Variants in RASAL1 observed in about 807,000 individuals in gnomAD.
RASAL1 encodes rasGAP-activating-like protein 1.
RASAL1 carries 72 observed loss-of-function variants against 96.6 expected under a neutral mutation model. That is an observed-to-expected ratio of 0.75 (90% CI 0.62 to 0.91). RASAL1 has a LOEUF of 0.91. Ranked by LOEUF, RASAL1 falls within the 40% of genes least tolerant of loss-of-function variation. RASAL1 has a pLI of 0.00. For synonymous variants in RASAL1, 405 were observed against 430.4 expected (o/e 0.94, Z 0.73); for missense variants, 1,016 against 1,072.5 (o/e 0.95, Z 0.74).
In RASAL1 at chr12:113,128,212, G is replaced by A. The variant is rs772138601; in HGVS notation, c.123-34C>T. The stretch of plus-strand genomic sequence containing the variant: ...GGAGGTGCAGGGGGCTGGGGTCCTC[G>A]GGCCACACAGGAGGCAGACACCTGG... On this transcript the variant is annotated intron_variant, in intron 2 of 20. Transcript: ENST00000548055. 17 of 1,417,850 alleles carry A rather than the reference G, an allele frequency of 1.2e-5. No individual in the cohort carries two copies. In the East Asian group the frequency reaches 1.8e-4, roughly 15 times the overall value. 87.8% of individuals were successfully genotyped at this position (1,417,850 alleles called of 1,614,324 possible).
At chr12:113,107,484 G>A (rs768831551) in intron 14 of RASAL1, 41 of 604,470 alleles carry the variant, frequency 6.8e-5, no homozygotes, top group African/African-American at 1.1e-4. Flanking sequence ...TTAGCTGGTC[G>A]TGGTGGCTCA....
chr12:113,119,376 T>G lies in RASAL1; in HGVS notation c.496A>C (p.Ser166Arg). 6.2e-7 allele frequency: 1 copy of G among 1,612,628 alleles called. No individual in the cohort carries two copies. Among genetic ancestry groups the G allele is most frequent in the Non-Finnish European group, 8.5e-7 (1 of 1,179,372 alleles). ...PFARVFWGSQ[S>R]LETSTIKKTR... ...CCACCACTCACTGAGGTCTCCAAGCTCTGGCTGCCCCAAAACACACGTGCA... is the reference window on the plus strand; with the variant it reads ...CCACCACTCACTGAGGTCTCCAAGCGCTGGCTGCCCCAAAACACACGTGCA... Residue 166 changes from serine (S) to arginine (R), a missense_variant, in exon 6 of 21, where the codon AGC becomes CGC. Transcript: ENST00000548055.
At chr12:113,106,960 G>A in intron 15 of RASAL1, 137 bp downstream of exon 15, 2 of 997,822 alleles carry the variant, frequency 2.0e-6, no homozygotes, top group Non-Finnish European at 3.0e-6. Context: ...AGCACAGTAA[G>A]TATCAGGAAA....
rs1314270687 is a variant in RASAL1 at position 113,117,277 on chromosome 12, G to A, written c.643-116C>T. The A allele has an allele frequency of 7.4e-6, 5 of 676,762 alleles. No homozygotes were observed. The Admixed American group carries it at 2.0e-4, about 27-fold the overall frequency. 41.9% of individuals were successfully genotyped at this position (676,762 alleles called of 1,614,324 possible). The stretch of plus-strand genomic sequence containing the variant: ...TGCCCACCCACAGAGGGGCAGAATG[G>A]CCTGCCAGGGGACCCCTCCTTCTCT... On this transcript the variant is annotated intron_variant, in intron 7 of 20. Coordinates refer to ENST00000548055, the MANE Select transcript of RASAL1 (RefSeq NM_001301202.2).
At chr12:113,114,618 C>T (rs1951002972) in intron 12 of RASAL1, among the ~76,000 whole-genome samples, 182 bp downstream of exon 12, 1 of 152,194 alleles carries the variant, frequency 6.6e-6, no homozygotes, top group Non-Finnish European at 1.5e-5. Context: ...TGACCATAAC[C>T]CCTATACTAC....
In RASAL1 at chr12:113,130,273, T is replaced by G. The variant is rs112381009; in HGVS notation, c.122+612A>C. Among the ~76,000 whole-genome samples the G allele has an allele frequency of 2.3e-4, 35 of 152,254 alleles. 5 individuals carry two copies. The highest frequency in any genetic ancestry group is 8.4e-4 in the African/African-American group (35 of 41,542). On this transcript the variant is annotated intron_variant, in intron 2 of 20. Transcript: ENST00000548055. This position sits in a 1 kb window ranked among gnomAD's most constrained non-coding sequence, Gnocchi z 5.1. Reference sequence around the variant, plus strand: ...TGACACCCCAAACATCCTCACACCTTCACATGTGTCCACACCGGTGCCTTT... The same window carrying G: ...TGACACCCCAAACATCCTCACACCTGCACATGTGTCCACACCGGTGCCTTT...
intron 14 of RASAL1, chr12:113,107,627 A>G (rs1950698984): frequency 2.4e-6 from 1 of 414,204 alleles, no homozygotes; most frequent in African/African-American, 2.1e-5. Context: ...GTCTCAAGGA[A>G]AAAAATAAAT....
chr12:113,121,326 A>AT (rs1270418810), intron 5 of RASAL1, among the ~76,000 whole-genome samples, 183 bp downstream of exon 5: 1 of 152,122 alleles, frequency 6.6e-6, no homozygotes, highest in African/African-American at 2.4e-5. Flanking sequence ...ACTCAACAGG[A>AT]TTTTGCCCCC....
chr12:113,100,360 A>G (rs761251795), intron 20 of RASAL1, among the ~76,000 whole-genome samples: 2 of 152,160 alleles, frequency 1.3e-5, no homozygotes, highest in Non-Finnish European at 2.9e-5. Context: ...GTGCAGTAGC[A>G]TGATCTCAGC....
intron 1 of RASAL1, 85 bp from the exon 2 acceptor site, chr12:113,131,026 G>A (rs1951688167): frequency 1.9e-6 from 2 of 1,026,954 alleles, no homozygotes; most frequent in South Asian, 1.4e-5. Flanking sequence ...AGGCAGGGGA[G>A]TCGGAGGCAC....
Position 113,135,370 on chromosome 12 carries a change from C to T in RASAL1, c.65+28G>A. On this transcript the variant is annotated intron_variant, in intron 1 of 20. Transcript: ENST00000548055. This position sits in a 1 kb window ranked among gnomAD's most constrained non-coding sequence, Gnocchi z 5.7. The stretch of plus-strand genomic sequence containing the variant: ...CCCACCCCAGGCCTTGCGCGCCCCT[C>T]ACCCAGAAGCGCCCGAGGAGTACTC... The T allele has an allele frequency of 6.3e-7, 1 of 1,596,850 alleles. No homozygotes were observed. The highest frequency in any genetic ancestry group is 8.5e-7 in the Non-Finnish European group (1 of 1,172,580).
rs1010895037 is a variant in RASAL1 at position 113,129,743 on chromosome 12, G to A, written c.122+1142C>T. The stretch of plus-strand genomic sequence containing the variant: ...GCGCGCACACACACACACACACCCC[G>A]CCTTCTTCCTCCAGCCCAGCGGCAC... On this transcript the variant is annotated intron_variant, in intron 2 of 20. Transcript: ENST00000548055. The surrounding 1 kb of genome is among the most constrained non-coding windows in gnomAD (Gnocchi z 5.0). 3.3e-5 allele frequency among the ~76,000 whole-genome samples: 5 copies of A among 151,988 alleles called. No individual in the cohort carries two copies. The highest frequency in any genetic ancestry group is 1.2e-4 in the African/African-American group (5 of 41,350).
intron 18 of RASAL1, 102 bp from the exon 19 acceptor site, chr12:113,102,111 C>T (rs1950471083): frequency 1.4e-6 from 2 of 1,396,020 alleles, no homozygotes; most frequent in Non-Finnish European, 2.0e-6. Context: ...CTGTAAAATC[C>T]CTCCTCAAAC....
intron 18 of RASAL1, chr12:113,103,140 A>G (rs1221305848): frequency 4.9e-6 from 1 of 203,070 alleles, no homozygotes; most frequent in Non-Finnish European, 1.0e-5. Context: ...ATCATTATAT[A>G]TTGTATATAC....
intron 15 of RASAL1, 138 bp from the exon 16 acceptor site, chr12:113,106,024 A>G (rs1950633640): frequency 2.3e-6 from 2 of 851,742 alleles, no homozygotes; most frequent in African/African-American, 1.7e-5. Flanking sequence ...GATGAGCGCG[A>G]TGACTTCAGA....
intron 12 of RASAL1, among the ~76,000 whole-genome samples, chr12:113,114,011 C>T (rs1409184805): frequency 6.6e-6 from 1 of 152,188 alleles, no homozygotes; most frequent in Non-Finnish European, 1.5e-5. Context: ...TAATAAAGAT[C>T]ACTAATGCTT....
At chr12:113,107,514 T>C in intron 14 of RASAL1, 1 of 562,934 alleles carries the variant, frequency 1.8e-6, no homozygotes, top group Non-Finnish European at 3.4e-6. Flanking sequence ...ATCCAGCTAC[T>C]CCAGAAGCTG....
At position 113,128,630 on chromosome 12, in the gene RASAL1, C is replaced by T. The variant is rs187269257; in HGVS notation, c.123-452G>A. 2.6e-3 allele frequency among the ~76,000 whole-genome samples: 400 copies of T among 152,186 alleles called. 1 individual carries two copies. Among genetic ancestry groups the T allele is most frequent in the Non-Finnish European group, 4.0e-3 (275 of 68,008 alleles). ...AGACATGCATAGCAACCAACAGAAA[C>T]ATATGTGCAGATACACACACACGGA... On this transcript the variant is annotated intron_variant, in intron 2 of 20. Coordinates refer to ENST00000548055, the MANE Select transcript of RASAL1 (RefSeq NM_001301202.2).
intron 13 of RASAL1, among the ~76,000 whole-genome samples, chr12:113,111,233 TG>T: frequency 6.6e-6 from 1 of 152,364 alleles, no homozygotes; most frequent in East Asian, 1.9e-4. Flanking sequence ...GAGCACTTAC[TG>T]TATGCCAGAT....
Sources: gnomAD v4.1 joint callset for allele counts (sites outside exome capture counted in the v4.1 genomes callset) on GRCh38, gnomAD v4.1.1 for gene constraint, Gnocchi (gnomAD v3.1) non-coding constraint, MANE v1.5 for transcripts, NCBI Gene and HGNC (gene_info 2026-07-23, HGNC 2026-07-21) for gene names.